The following CACNA2D1 variants were observed in gnomAD, a reference collection of about 807,000 sequenced individuals.
The protein encoded by CACNA2D1 is voltage-dependent calcium channel subunit alpha-2/delta-1.
A neutral mutation model predicts 171.5 loss-of-function variants in CACNA2D1; 53 were observed. The ratio of observed to expected loss-of-function variants is 0.31; its 90% CI spans 0.25 to 0.39. The LOEUF (loss-of-function observed/expected upper bound fraction) is 0.39. Ranked by LOEUF, CACNA2D1 falls within the 10% of genes least tolerant of loss-of-function variation. The pLI, the probability that CACNA2D1 is intolerant of heterozygous loss-of-function variation, is 1.00. For synonymous variants in CACNA2D1, 442 were observed against 443.1 expected, an observed-to-expected ratio of 1.00 and a Z score of 0.03; for missense variants, 903 against 1,299.8, an observed-to-expected ratio of 0.69 and a Z score of 4.69.
At chr7:82,363,715 C>T (rs994965662) in intron 1 of CACNA2D1, among the ~76,000 whole-genome samples, 2 of 152,026 alleles carry the variant, frequency 1.3e-5, no homozygotes. Context: ...TGATAATAAA[C>T]ATCTTACATA....
intron 24 of CACNA2D1, among the ~76,000 whole-genome samples, chr7:81,979,905 G>T (rs1019808031): frequency 6.6e-6 from 1 of 151,862 alleles, no homozygotes; most frequent in Non-Finnish European, 1.5e-5. Flanking sequence ...TCACTATTGG[G>T]TATTGAATGT....
At chr7:82,227,579 C>T (rs1056918081) in intron 3 of CACNA2D1, among the ~76,000 whole-genome samples, 4 of 152,104 alleles carry the variant, frequency 2.6e-5, no homozygotes, top group Admixed American at 1.3e-4. Flanking sequence ...AGGGAAATTC[C>T]TTGGACTAAC....
At chr7:82,111,444 A>ATATATATATATATATATTTT (rs1207440298) in intron 6 of CACNA2D1, among the ~76,000 whole-genome samples, 1 of 69,968 alleles carries the variant, frequency 1.4e-5, no homozygotes, top group African/African-American at 6.8e-5. Context: ...ATATATATAT[A>ATATATATATATATATATTTT]TTTTTTTTTT....
intron 7 of CACNA2D1, among the ~76,000 whole-genome samples, chr7:82,070,649 A>G (rs534301143): frequency 6.6e-6 from 1 of 152,300 alleles, no homozygotes; most frequent in Non-Finnish European, 1.5e-5. Context: ...GAAGTGACAC[A>G]TATTACTTTC....
intron 3 of CACNA2D1, among the ~76,000 whole-genome samples, chr7:82,203,622 G>C (rs1563198044): frequency 1.3e-5 from 2 of 152,164 alleles, no homozygotes; most frequent in Non-Finnish European, 2.9e-5. Flanking sequence ...AGTTGATCCA[G>C]GGCACCTATT....
At chr7:82,076,765 C>T (rs188251571) in intron 7 of CACNA2D1, among the ~76,000 whole-genome samples, 43 of 152,192 alleles carry the variant, frequency 2.8e-4, no homozygotes, top group African/African-American at 7.0e-4. Flanking sequence ...ACATTCAAGG[C>T]GACATATTCT....
chr7:81,948,188 C>T lies in CACNA2D1; in HGVS notation c.*2204G>A, dbSNP rs1356579318. ...AAACTAACAATTTTATATTTTGATA[C>T]CCCCTTCCCAACACTATCATGATTT... On this transcript the variant is annotated 3_prime_UTR_variant, in exon 39 of 39. Transcript: ENST00000356860. 1.3e-5 allele frequency: 2 copies of T among 151,620 alleles called. No homozygotes were observed. Among genetic ancestry groups the T allele is most frequent in the Admixed American group, 1.3e-4 (2 of 15,200 alleles). The allele number at this position is 151,620 out of a possible 1,614,324, so 9.4% of individuals were successfully genotyped here.
intron 7 of CACNA2D1, among the ~76,000 whole-genome samples, chr7:82,081,891 G>T (rs929737): frequency 6.6e-6 from 1 of 151,996 alleles, no homozygotes; most frequent in East Asian, 1.9e-4. Context: ...GCTCCGGTCC[G>T]CCATTCCAAG....
chr7:82,098,866 T>G (rs258666), intron 6 of CACNA2D1, among the ~76,000 whole-genome samples: 1 of 151,914 alleles, frequency 6.6e-6, no homozygotes, highest in Non-Finnish European at 1.5e-5. Flanking sequence ...ACTTAGAAAC[T>G]TATCAGATTT....
chr7:82,268,104 T>C (rs1808149239), intron 3 of CACNA2D1, among the ~76,000 whole-genome samples: 1 of 152,226 alleles, frequency 6.6e-6, no homozygotes, highest in African/African-American at 2.4e-5. Flanking sequence ...GTAAATTAAG[T>C]TACTTAAATA....
intron 10 of CACNA2D1, among the ~76,000 whole-genome samples, chr7:82,040,864 A>C (rs1303676277): frequency 6.6e-6 from 1 of 152,022 alleles, no homozygotes; most frequent in African/African-American, 2.4e-5. Flanking sequence ...AATGCCAGCT[A>C]CTCATGAGGC....
chr7:82,282,874 A>G (rs1390664969), intron 3 of CACNA2D1, among the ~76,000 whole-genome samples: 1 of 152,188 alleles, frequency 6.6e-6, no homozygotes, highest in African/African-American at 2.4e-5. Flanking sequence ...CAGGTACACC[A>G]TGCACATTCC....
chr7:82,036,656 C>G (rs1049647036), intron 11 of CACNA2D1, among the ~76,000 whole-genome samples: 4 of 152,108 alleles, frequency 2.6e-5, no homozygotes, highest in Non-Finnish European at 5.9e-5. Context: ...CTGTTTACTT[C>G]TATAATTCCA....
chr7:82,414,981 G>A (rs956261269), intron 1 of CACNA2D1, among the ~76,000 whole-genome samples: 7 of 152,074 alleles, frequency 4.6e-5, no homozygotes, highest in African/African-American at 1.7e-4. Context: ...CTTATTTAGG[G>A]GAAGAAGAAA....
intron 12 of CACNA2D1, among the ~76,000 whole-genome samples, chr7:82,026,771 T>C (rs1283374421): frequency 1.3e-5 from 2 of 151,724 alleles, no homozygotes; most frequent in African/African-American, 4.8e-5. Flanking sequence ...TGGTGAAAAA[T>C]ATATAATGTA....
chr7:82,435,319 G>A (rs73390072), intron 1 of CACNA2D1, among the ~76,000 whole-genome samples: 3 of 152,004 alleles, frequency 2.0e-5, no homozygotes, highest in East Asian at 3.9e-4. Context: ...TTACAGGTGT[G>A]AGCCACCATG....
intron 3 of CACNA2D1, among the ~76,000 whole-genome samples, chr7:82,313,300 C>A (rs1437750783): frequency 2.6e-5 from 4 of 152,026 alleles, no homozygotes; most frequent in Admixed American, 6.6e-5. Context: ...AAATATATTT[C>A]TTTGACCTAT....
chr7:82,432,768 G>A (rs2129458993), intron 1 of CACNA2D1, among the ~76,000 whole-genome samples: 1 of 152,312 alleles, frequency 6.6e-6, no homozygotes, highest in Admixed American at 6.5e-5. Context: ...ACTACTATCT[G>A]CTTAAAATTA....
intron 3 of CACNA2D1, among the ~76,000 whole-genome samples, chr7:82,195,555 G>A (rs1324873686): frequency 1.3e-5 from 2 of 151,532 alleles, no homozygotes; most frequent in Non-Finnish European, 2.9e-5. Flanking sequence ...AATATTGTAG[G>A]GACAAATAAA....
Sources: gnomAD v4.1 joint callset for allele counts (sites outside exome capture counted in the v4.1 genomes callset) on GRCh38, gnomAD v4.1.1 for gene constraint, MANE v1.5 for transcripts, NCBI Gene and HGNC (gene_info 2026-07-23, HGNC 2026-07-21) for gene names.